The following DGKE variants were observed in gnomAD, a reference collection of about 807,000 sequenced individuals.
DGKE encodes the protein DAG kinase epsilon.
Under a neutral mutation model 70.0 loss-of-function variants are expected in DGKE, and 53 were observed. That is an observed-to-expected ratio of 0.76 (90% confidence interval 0.61 to 0.95). The LOEUF (loss-of-function observed/expected upper bound fraction) is 0.95, where lower values mean the gene tolerates loss of function less well. Ranked by LOEUF, DGKE falls within the 40% of genes least tolerant of loss-of-function variation. DGKE has a pLI of 0.00. For missense variants in DGKE, 655 were observed against 706.9 expected (o/e 0.93, Z 0.83); for synonymous variants, 291 against 257.0 (o/e 1.13, Z -1.27).
chr17:56,834,937 C>G lies in DGKE; in HGVS notation c.142C>G (p.Gln48Glu), dbSNP rs773132460. ...FWCSLQRSRR[Q>E]LHRRDIFRKS... Reference sequence around the variant, plus strand: ...GTGTAGCCTCCAGCGGTCGCGCCGGCAGCTGCACCGCAGGGACATCTTCCG... The same window carrying G: ...GTGTAGCCTCCAGCGGTCGCGCCGGGAGCTGCACCGCAGGGACATCTTCCG... The change falls in exon 2 of 12, where the codon CAG becomes GAG. Residue 48 changes from glutamine to glutamate, a missense_variant. Coordinates refer to ENST00000284061, the MANE Select transcript of DGKE (RefSeq NM_003647.3). 1 of 1,613,394 alleles carries G rather than the reference C, an allele frequency of 6.2e-7. No individual in the cohort carries two copies. Among genetic ancestry groups the G allele is most frequent in the Non-Finnish European group, 8.5e-7 (1 of 1,179,968 alleles).
intron 2 of DGKE, among the ~76,000 whole-genome samples, chr17:56,841,251 C>CAA (rs10676152): frequency 0.69 from 92,813 of 134,912 alleles, 31,671 homozygotes; most frequent in East Asian, 0.88. Context: ...TACTCTGTCT[C>CAA]AAAAAAAAAA....
chr17:56,864,888 C>G lies in DGKE; in HGVS notation c.*2097C>G, dbSNP rs918050206. ...CCATAATATTACACTGTATTTAGAA[C>G]AGGCTTATGTAAAATGCCCTCATTT... On this transcript the variant is annotated 3_prime_UTR_variant, in exon 12 of 12. Coordinates refer to ENST00000284061, the MANE Select transcript of DGKE (RefSeq NM_003647.3). The G allele has an allele frequency of 2.6e-5, 4 of 152,004 alleles. No individual in the cohort carries two copies. Among genetic ancestry groups the G allele is most frequent in the African/African-American group, 4.8e-5 (2 of 41,402 alleles). The allele number at this position is 152,004 out of a possible 1,614,324, so 9.4% of individuals were successfully genotyped here.
At chr17:56,855,849 CA>C (rs1306923462) in intron 7 of DGKE, among the ~76,000 whole-genome samples, 1 of 151,838 alleles carries the variant, frequency 6.6e-6, no homozygotes, top group Non-Finnish European at 1.5e-5. Context: ...ACTAAAAATA[CA>C]AAAATATTAG....
rs1404587799 is a variant in DGKE at position 56,835,072 on chromosome 17, C to A, written c.277C>A (p.Arg93Ser). 3 of 1,613,418 alleles carry A rather than the reference C, an allele frequency of 1.9e-6. No individual in the cohort carries two copies. The highest frequency in any genetic ancestry group is 8.5e-7 in the Non-Finnish European group (1 of 1,180,022). The change falls in exon 2 of 12, where the codon CGC (arginine) becomes AGC (serine). Residue 93 changes from arginine to serine, a missense_variant. Arg to Ser is a moderately radical substitution (Grantham distance 110). Transcript: ENST00000284061. ...CGCCTTCTGCGACTGCTGCGGGCTC[C>A]GCGTGGACGAGGGCTGCCTCAGGAA... is the stretch of plus-strand genomic sequence containing the variant. ...QGAFCDCCGL[R>S]VDEGCLRKAD...
In DGKE at chr17:56,863,654, A is replaced by G. The variant is rs1908415992; in HGVS notation, c.*863A>G. On this transcript the variant is annotated 3_prime_UTR_variant, in exon 12 of 12. Transcript: ENST00000284061. ...AGATTAATTGCTTAGAAAAAGCTCA[A>G]GGCTGACTGATAAGTTTTAAAAATT... The G allele has an allele frequency of 2.0e-5, 3 of 152,234 alleles. No homozygotes were observed. The highest frequency in any genetic ancestry group is 4.4e-5 in the Non-Finnish European group (3 of 68,042). The allele number at this position is 152,234 out of a possible 1,614,324, so 9.4% of individuals were successfully genotyped here.
intron 10 of DGKE, 106 bp from the exon 11 acceptor site, chr17:56,862,033 TA>T (rs1908324692): frequency 1.2e-5 from 19 of 1,531,824 alleles, no homozygotes; most frequent in Non-Finnish European, 1.6e-5. Context: ...TCATTAGTTA[TA>T]AATATTTTTT....
At chr17:56,849,254 T>A in intron 7 of DGKE, 22 bp downstream of exon 7, 2 of 1,604,974 alleles carry the variant, frequency 1.2e-6, no homozygotes, top group South Asian at 2.2e-5. Flanking sequence ...GTGCCTCAGT[T>A]GCAAGTGGTT....
At chr17:56,855,403 C>G (rs753996567) in intron 7 of DGKE, among the ~76,000 whole-genome samples, 1 of 152,030 alleles carries the variant, frequency 6.6e-6, no homozygotes, top group Non-Finnish European at 1.5e-5. Context: ...AGAAAGAGAG[C>G]ATGAGAATTC....
intron 6 of DGKE, 113 bp downstream of exon 6, chr17:56,848,966 A>G: frequency 6.2e-6 from 9 of 1,443,934 alleles, no homozygotes; most frequent in Non-Finnish European, 8.5e-6. Flanking sequence ...GAAAGACTAT[A>G]CTAGTTGTAC....
intron 2 of DGKE, among the ~76,000 whole-genome samples, chr17:56,840,245 TGGG>T (rs1160795740): frequency 7.9e-5 from 12 of 152,302 alleles, no homozygotes; most frequent in Non-Finnish European, 7.4e-5. Flanking sequence ...CACAAATTAT[TGGG>T]GGTAGAAAAG....
rs1265992102 is a variant in DGKE, at chr17:56,866,649, A to G, written c.*3858A>G. The G allele has an allele frequency of 2.0e-5, 3 of 152,244 alleles. No individual in the cohort carries two copies. Among genetic ancestry groups the G allele is most frequent in the Non-Finnish European group, 4.4e-5 (3 of 68,056 alleles). 9.4% of individuals were successfully genotyped at this position (152,244 alleles called of 1,614,324 possible). A position where few individuals can be genotyped will look rare whatever the true frequency, so the allele number is the denominator to read the frequency against. ...GGAATCAGTTTTTGGACTGTGACCC[A>G]TGCAGTGTTGGGGGACAAGGAGTTG... On this transcript the variant is annotated 3_prime_UTR_variant, in exon 12 of 12. Transcript: ENST00000284061.
intron 7 of DGKE, among the ~76,000 whole-genome samples, chr17:56,852,598 TG>T (rs1907720300): frequency 3.0e-5 from 4 of 134,784 alleles, no homozygotes; most frequent in African/African-American, 1.0e-4. Flanking sequence ...TGGATTGCTT[TG>T]ATTTATTTTA....
intron 2 of DGKE, among the ~76,000 whole-genome samples, chr17:56,837,886 T>C (rs1026264694): frequency 6.6e-6 from 1 of 152,154 alleles, no homozygotes; most frequent in Admixed American, 6.5e-5. Flanking sequence ...TCATTATACT[T>C]ATTGAGCATC....
At position 56,834,829 on chromosome 17, in the gene DGKE, C is replaced by T; in HGVS notation, c.34C>T (p.Pro12Ser). Reference sequence around the variant, plus strand: ...GGAGAGGCGGCCGGCGCCGGGCTCGCCCTCCGAGGGCCTGTTTGCGGACGG... The same window carrying T: ...GGAGAGGCGGCCGGCGCCGGGCTCGTCCTCCGAGGGCCTGTTTGCGGACGG... ...EAERRPAPGS[P>S]SEGLFADGHL... The change falls in exon 2 of 12, where the codon CCC (proline) becomes TCC (serine). Residue 12 changes from proline to serine, a missense_variant. Pro to Ser is a moderately conservative substitution (Grantham distance 74). Transcript: ENST00000284061. The T allele has an allele frequency of 6.2e-7, 1 of 1,608,170 alleles. No homozygotes were observed. Among genetic ancestry groups the T allele is most frequent in the Admixed American group, 1.7e-5 (1 of 59,860 alleles).
At position 56,849,167 on chromosome 17, in the gene DGKE, C is replaced by T. The variant is rs565504991; in HGVS notation, c.1047-14C>T. On this transcript the variant is annotated splice_polypyrimidine_tract_variant and intron_variant, in intron 6 of 11. Coordinates refer to ENST00000284061, the MANE Select transcript of DGKE (RefSeq NM_003647.3). ...TTGTAAAACGTGCTGTTTTTTTTAA[C>T]TTCTGTTTTTTAGATGGAAAGTTCA... 110 of 1,603,726 alleles carry T rather than the reference C, an allele frequency of 6.9e-5. No homozygotes were observed. The highest frequency in any genetic ancestry group is 8.8e-5 in the Non-Finnish European group (104 of 1,175,320).
chr17:56,859,128 C>T (rs904605688), intron 9 of DGKE, among the ~76,000 whole-genome samples: 16 of 150,938 alleles, frequency 1.1e-4, no homozygotes, highest in African/African-American at 3.9e-4. Context: ...TGTCGGGTAT[C>T]TCTCTTACAT....
At chr17:56,850,333 A>G (rs1476800940) in intron 7 of DGKE, among the ~76,000 whole-genome samples, 2 of 152,080 alleles carry the variant, frequency 1.3e-5, no homozygotes, top group African/African-American at 4.8e-5. Flanking sequence ...GGGTCTCCCT[A>G]TATTGTCCAG....
intron 7 of DGKE, among the ~76,000 whole-genome samples, chr17:56,853,909 C>G (rs1214687739): frequency 1.3e-5 from 2 of 151,510 alleles, no homozygotes; most frequent in African/African-American, 4.9e-5. Flanking sequence ...CAGAAATAAC[C>G]TAAGTGCCCA....
chr17:56,839,450 A>G (rs1175263123), intron 2 of DGKE, among the ~76,000 whole-genome samples: 1 of 152,240 alleles, frequency 6.6e-6, no homozygotes, highest in East Asian at 1.9e-4. Context: ...GGTAAAGACA[A>G]TAGGATTCAG....
Sources: gnomAD v4.1 joint callset for allele counts (sites outside exome capture counted in the v4.1 genomes callset) on GRCh38, gnomAD v4.1.1 for gene constraint, MANE v1.5 for transcripts, NCBI Gene and HGNC (gene_info 2026-07-23, HGNC 2026-07-21) for gene names.